The following PCDHGB4 variants were observed in gnomAD, a reference collection of about 807,000 sequenced individuals.
PCDHGB4 encodes the protein protocadherin gamma subfamily B, 4.
PCDHGB4 carries 38 observed loss-of-function variants against 60.5 expected under a neutral mutation model. The ratio of observed to expected loss-of-function variants is 0.63; its 90% CI spans 0.48 to 0.82. The LOEUF (loss-of-function observed/expected upper bound fraction) is 0.82. Among genes scored for constraint, PCDHGB4 ranks in the 40% least tolerant of loss-of-function variants. PCDHGB4 has a pLI of 0.00. For missense variants in PCDHGB4, 1,109 were observed against 1,209.6 expected (o/e 0.92, Z 1.23); for synonymous variants, 456 against 509.7 (o/e 0.89, Z 1.42).
intron 1 of PCDHGB4, chr5:141,419,312 G>A (rs35892780): frequency 1.2e-6 from 2 of 1,613,962 alleles, no homozygotes; most frequent in South Asian, 2.2e-5. Context: ...CGGGCTCAAC[G>A]GCCGTGTCTC....
Position 141,410,082 on chromosome 5 carries a change from G to A in PCDHGB4, c.2397+19801G>A, listed in dbSNP as rs780485949. 1.6e-5 allele frequency: 25 copies of A among 1,612,386 alleles called. No individual in the cohort carries two copies. The Admixed American group carries it at 3.8e-4, about 25-fold the overall frequency. On this transcript the variant is annotated intron_variant, in intron 1 of 3. Transcript: ENST00000519479. ...CTGGGGCTGCGCACTGGGGAGGTGC[G>A]CACGGCTCGAGCCTTAGGCGACAGG... is the stretch of plus-strand genomic sequence containing the variant.
At chr5:141,456,259 C>T (rs1456888951) in intron 1 of PCDHGB4, among the ~76,000 whole-genome samples, 1 of 152,122 alleles carries the variant, frequency 6.6e-6, no homozygotes, top group Non-Finnish European at 1.5e-5. Flanking sequence ...GCGACCATTG[C>T]TTCTGGCTAC....
chr5:141,436,902 G>A (rs2097852984), intron 1 of PCDHGB4, among the ~76,000 whole-genome samples: 1 of 152,210 alleles, frequency 6.6e-6, no homozygotes, highest in Admixed American at 6.5e-5. Flanking sequence ...TTTTATATGA[G>A]ACAATTTTGT....
chr5:141,394,184 C>T (rs1277537550), intron 1 of PCDHGB4: 1 of 1,613,944 alleles, frequency 6.2e-7, no homozygotes, highest in Non-Finnish European at 8.5e-7. Flanking sequence ...ATGCCTCCTA[C>T]TCAGCGTATA....
chr5:141,477,566 C>T lies in PCDHGB4; in HGVS notation c.2398-17241C>T, dbSNP rs749100730. On this transcript the variant is annotated intron_variant, in intron 1 of 3. Coordinates refer to ENST00000519479, the MANE Select transcript of PCDHGB4 (RefSeq NM_003736.4). The surrounding 1 kb of genome is among the most constrained non-coding windows in gnomAD (Gnocchi z 4.9). ...AATACTAAACCTAAGTGTCTGGGAC[C>T]CCGACGCCCCGCAGAATGCTCGGCT... The T allele has an allele frequency of 1.9e-6, 3 of 1,613,988 alleles. No homozygotes were observed. The highest frequency in any genetic ancestry group is 8.5e-7 in the Non-Finnish European group (1 of 1,180,032).
rs987773604 is a variant in PCDHGB4 at position 141,409,588 on chromosome 5, C to G, written c.2397+19307C>G. 5.6e-6 allele frequency: 9 copies of G among 1,613,760 alleles called. 1 individual carries two copies. The highest frequency in any genetic ancestry group is 7.6e-6 in the Non-Finnish European group (9 of 1,179,892). On this transcript the variant is annotated intron_variant, in intron 1 of 3. Transcript: ENST00000519479. ...AGACGTCCTACGTGGTCCACGTGGC[C>G]GAGAACAACCCGCCAGGAGCCTCCA...
At chr5:141,482,205 C>T (rs1478729653) in intron 1 of PCDHGB4, among the ~76,000 whole-genome samples, 1 of 151,896 alleles carries the variant, frequency 6.6e-6, no homozygotes, top group Non-Finnish European at 1.5e-5. Context: ...TAAAACAGAC[C>T]AGGTACTTGT....
rs2091790696 is a variant in PCDHGB4 at position 141,389,485 on chromosome 5, A to G, written c.1601A>G (p.Asp534Gly). 2 of 1,612,936 alleles carry G rather than the reference A, an allele frequency of 1.2e-6. No homozygotes were observed. Among genetic ancestry groups the G allele is most frequent in the Non-Finnish European group, 1.7e-6 (2 of 1,179,746 alleles). ...TTCGAACTCACACTGCAGGCCCGCG[A>G]CCAGGGCTCGCCAGCGCTCAGCGCG... The part of the protein sequence containing the change: ...RAFELTLQAR[D>G]QGSPALSANV... Residue 534 changes from aspartate (D) to glycine (G), a missense_variant, in exon 1 of 4, where the codon GAC (aspartate) becomes GGC (glycine). By Grantham distance (94) the Asp-to-Gly change is moderately conservative. Coordinates refer to ENST00000519479, the MANE Select transcript of PCDHGB4 (RefSeq NM_003736.4).
At chr5:141,430,448 G>T in intron 1 of PCDHGB4, 1 of 192,294 alleles carries the variant, frequency 5.2e-6, no homozygotes. Flanking sequence ...ATCCCCTTTT[G>T]AAGAACAGTA....
intron 1 of PCDHGB4, chr5:141,430,780 C>G: frequency 6.6e-7 from 1 of 1,511,476 alleles, no homozygotes; most frequent in Non-Finnish European, 8.8e-7. Context: ...CGCGACTGCA[C>G]CGGGACTACA....
rs749645155 is a variant in PCDHGB4 at position 141,414,214 on chromosome 5, A to G, written c.2397+23933A>G. On this transcript the variant is annotated intron_variant, in intron 1 of 3. Transcript: ENST00000519479. ...GATTACAGTAGAAGATGTAAATGAC[A>G]ACAGTCCAGAGCTGACCATCACGTC... 6.2e-6 allele frequency: 10 copies of G among 1,613,126 alleles called. No homozygotes were observed. The South Asian group carries it at 9.9e-5, about 16-fold the overall frequency.
intron 2 of PCDHGB4, among the ~76,000 whole-genome samples, chr5:141,495,644 A>G (rs767670166): frequency 5.3e-5 from 8 of 151,770 alleles, no homozygotes; most frequent in Non-Finnish European, 1.0e-4. Context: ...TCATTTGTCT[A>G]CTTGCATTGA....
chr5:141,502,866 CTTTT>C (rs549047197), intron 2 of PCDHGB4, among the ~76,000 whole-genome samples: 1 of 128,042 alleles, frequency 7.8e-6, no homozygotes. Context: ...GACTCTCTGT[CTTTT>C]TTTTTTTTTT....
intron 1 of PCDHGB4, among the ~76,000 whole-genome samples, chr5:141,482,498 T>G (rs1226516612): frequency 1.5e-5 from 2 of 135,390 alleles, no homozygotes; most frequent in African/African-American, 3.0e-5. Context: ...GTTATCATTC[T>G]GGTACCCAGA....
At chr5:141,427,566 C>A (rs1218268757) in intron 1 of PCDHGB4, 1 of 659,032 alleles carries the variant, frequency 1.5e-6, no homozygotes, top group Non-Finnish European at 2.8e-6. Context: ...CAAGGGCAAG[C>A]CTCCGCTCTC....
In PCDHGB4 at chr5:141,431,538, A is replaced by G; in HGVS notation, c.2397+41257A>G. ...CCGGAGAATCTGGCCTTGGGCACGC[A>G]GCTGCTTGTAGTCAACGCTACCGAC... is the stretch of plus-strand genomic sequence containing the variant. On this transcript the variant is annotated intron_variant, in intron 1 of 3. Transcript: ENST00000519479. The surrounding 1 kb of genome is among the most constrained non-coding windows in gnomAD (Gnocchi z 4.8). The G allele has an allele frequency of 6.2e-7, 1 of 1,614,114 alleles. No individual in the cohort carries two copies. Among genetic ancestry groups the G allele is most frequent in the Non-Finnish European group, 8.5e-7 (1 of 1,180,024 alleles).
chr5:141,488,656 G>A (rs2099678001), intron 1 of PCDHGB4, among the ~76,000 whole-genome samples: 1 of 152,200 alleles, frequency 6.6e-6, no homozygotes, highest in African/African-American at 2.4e-5. Flanking sequence ...ATGGGGGAGG[G>A]TGGGGGAATA....
At chr5:141,453,351 C>A (rs1210851703) in intron 1 of PCDHGB4, among the ~76,000 whole-genome samples, 2 of 151,738 alleles carry the variant, frequency 1.3e-5, no homozygotes, top group Non-Finnish European at 2.9e-5. Flanking sequence ...CCAGGCTGAC[C>A]CTGAACTCCT....
At chr5:141,453,451 T>C (rs1052905667) in intron 1 of PCDHGB4, among the ~76,000 whole-genome samples, 1 of 152,096 alleles carries the variant, frequency 6.6e-6, no homozygotes, top group Non-Finnish European at 1.5e-5. Flanking sequence ...TTTTTGAATA[T>C]GTAAAACATT....
Sources: allele counts gnomAD v4.1 joint callset (sites outside exome capture counted in the v4.1 genomes callset), GRCh38; gene constraint gnomAD v4.1.1; non-coding constraint Gnocchi (gnomAD v3.1); transcripts MANE v1.5; gene names NCBI Gene and HGNC (gene_info 2026-07-23, HGNC 2026-07-21).